SMG6: variants seen among roughly 807,000 people sequenced by gnomAD.
The protein encoded by SMG6 is telomerase-binding protein EST1A.
A neutral mutation model predicts 142.2 loss-of-function variants in SMG6; 66 were observed. That is an observed-to-expected ratio of 0.46 (90% confidence interval 0.38 to 0.57). SMG6 has a LOEUF of 0.57. Among genes scored for constraint, SMG6 ranks in the 20% least tolerant of loss-of-function variants. The pLI is 0.00. For synonymous variants in SMG6, 779 were observed against 702.4 expected, an observed-to-expected ratio of 1.11 and a Z score of -1.72; for missense variants, 1,793 against 1,832.0, an observed-to-expected ratio of 0.98 and a Z score of 0.39.
intron 16 of SMG6, among the ~76,000 whole-genome samples, chr17:2,066,372 C>CTGTGTGTG (rs57221830): frequency 6.5e-4 from 98 of 149,684 alleles, no homozygotes; most frequent in African/African-American, 1.8e-3. Context: ...GTATATGTCT[C>CTGTGTGTG]TGTGTGTGTG....
At chr17:2,121,890 T>C (rs1297455303) in intron 13 of SMG6, among the ~76,000 whole-genome samples, 1 of 152,082 alleles carries the variant, frequency 6.6e-6, no homozygotes, top group East Asian at 1.9e-4. Context: ...CTGGAGTGCA[T>C]GGCGCAATCT....
At chr17:2,066,769 A>T (rs2067965613) in intron 16 of SMG6, among the ~76,000 whole-genome samples, 1 of 151,990 alleles carries the variant, frequency 6.6e-6, no homozygotes, top group Non-Finnish European at 1.5e-5. Flanking sequence ...GCAGTGGTAG[A>T]TGGGTGTATG....
At chr17:2,191,069 G>C (rs1255431000) in intron 10 of SMG6, among the ~76,000 whole-genome samples, 1 of 152,176 alleles carries the variant, frequency 6.6e-6, no homozygotes, top group Admixed American at 6.5e-5. Context: ...CTCTGTACTA[G>C]GTATGATGGA....
At chr17:2,196,993 T>C (rs2072350468) in intron 10 of SMG6, among the ~76,000 whole-genome samples, 1 of 152,118 alleles carries the variant, frequency 6.6e-6, no homozygotes, top group Non-Finnish European at 1.5e-5. Context: ...AATTATCTCA[T>C]AATAGATCGA....
rs1656421392 is a variant in SMG6 at position 2,085,128 on chromosome 17, GCACACACACACACAGACGCGCA to G, written c.3534+575_3534+596del. 1.3e-5 allele frequency among the ~76,000 whole-genome samples: 2 copies of G among 151,624 alleles called. No individual in the cohort carries two copies. Among genetic ancestry groups the G allele is most frequent in the South Asian group, 2.1e-4 (1 of 4,792 alleles). On this transcript the variant is annotated intron_variant, in intron 14 of 18. Transcript: ENST00000263073. This position sits in a 1 kb window ranked among gnomAD's most constrained non-coding sequence, Gnocchi z 4.1. ...GGCTCATGCATGTGCATGCGCGTGC[GCACACACACACACAGACGCGCA>G]CACACACACACAGACACACACACAC...
intron 10 of SMG6, among the ~76,000 whole-genome samples, chr17:2,194,486 T>A (rs915088054): frequency 2.0e-5 from 3 of 152,212 alleles, no homozygotes; most frequent in Admixed American, 2.0e-4. Flanking sequence ...AAGGGTAACA[T>A]CTTCTTATAA....
At chr17:2,216,184 T>C (rs563879731) in intron 10 of SMG6, among the ~76,000 whole-genome samples, 3 of 152,254 alleles carry the variant, frequency 2.0e-5, no homozygotes, top group South Asian at 2.1e-4. Context: ...GAAACTCAGA[T>C]GGCAGGTACC....
At chr17:2,286,146 C>A (rs2074899919) in intron 6 of SMG6, among the ~76,000 whole-genome samples, 1 of 152,046 alleles carries the variant, frequency 6.6e-6, no homozygotes, top group African/African-American at 2.4e-5. Flanking sequence ...TGAAAAGACA[C>A]CCTGTGTTCA....
rs1354049645 is a variant in SMG6 at position 2,219,713 on chromosome 17, TAAG to T, written c.2869+16776_2869+16778del. Among the ~76,000 whole-genome samples, 6 of 145,208 alleles carry T rather than the reference TAAG, an allele frequency of 4.1e-5. No individual in the cohort carries two copies. The East Asian group carries it at 1.2e-3, about 30-fold the overall frequency. ...CTGAGATGGGAGGACTGCTTGAGCC[TAAG>T]AAGAAGCTTGAGGCTGCAGTGAATG... On this transcript the variant is annotated intron_variant, in intron 10 of 18. Coordinates refer to ENST00000263073, the MANE Select transcript of SMG6 (RefSeq NM_017575.5).
At chr17:2,123,884 A>G (rs2151525721) in intron 13 of SMG6, among the ~76,000 whole-genome samples, 1 of 152,336 alleles carries the variant, frequency 6.6e-6, no homozygotes, top group Non-Finnish European at 1.5e-5. Context: ...ACTTCCTGAA[A>G]ACAGAGCAGG....
chr17:2,115,810 A>C (rs1417793891), intron 13 of SMG6, among the ~76,000 whole-genome samples: 2 of 152,112 alleles, frequency 1.3e-5, no homozygotes, highest in African/African-American at 4.8e-5. Flanking sequence ...TGTAGCCTCG[A>C]ACTCCCGGGT....
At chr17:2,208,479 G>A (rs570537174) in intron 10 of SMG6, among the ~76,000 whole-genome samples, 8 of 152,278 alleles carry the variant, frequency 5.3e-5, no homozygotes, top group South Asian at 2.1e-4. Context: ...GGTCCACAGC[G>A]CAGACCCCAC....
At chr17:2,127,396 T>C (rs2069933630) in intron 13 of SMG6, 3 of 676,076 alleles carry the variant, frequency 4.4e-6, no homozygotes, top group Admixed American at 1.9e-5. Context: ...GGTAAATCCT[T>C]TTCCCCCCCT....
chr17:2,303,766 C>T lies in SMG6; in HGVS notation c.-46G>A, dbSNP rs1019887535. On this transcript the variant is annotated 5_prime_UTR_variant, in exon 1 of 19. Transcript: ENST00000263073. ...CCGTAGCGGCTCCGCCACCGCCGCG[C>T]GCAGCCAGGAAACCACCACAGACGG... 1 of 1,463,576 alleles carries T rather than the reference C, an allele frequency of 6.8e-7. No homozygotes were observed. 90.7% of individuals were successfully genotyped at this position (1,463,576 alleles called of 1,614,324 possible).
intron 15 of SMG6, chr17:2,072,757 A>G (rs771003390): frequency 6.6e-6 from 1 of 152,220 alleles, no homozygotes; most frequent in Non-Finnish European, 1.5e-5. Context: ...AGGGGCTCCC[A>G]TAGGGAGTGC....
At chr17:2,239,233 G>C (rs1358400605) in intron 9 of SMG6, among the ~76,000 whole-genome samples, 1 of 152,044 alleles carries the variant, frequency 6.6e-6, no homozygotes, top group African/African-American at 2.4e-5. Flanking sequence ...CTTTTTGGAG[G>C]GCACAGAGTT....
At chr17:2,139,882 T>C (rs1597456194) in intron 13 of SMG6, among the ~76,000 whole-genome samples, 2 of 151,488 alleles carry the variant, frequency 1.3e-5, no homozygotes, top group Admixed American at 1.3e-4. Context: ...CATGCCACCA[T>C]ACCCGGCTAA....
At chr17:2,221,491 T>C (rs2073168393) in intron 10 of SMG6, among the ~76,000 whole-genome samples, 2 of 152,226 alleles carry the variant, frequency 1.3e-5, no homozygotes, top group South Asian at 4.1e-4. Flanking sequence ...ACTTCTTTTC[T>C]TTATAAATTA....
At chr17:2,212,905 G>A (rs1327627152) in intron 10 of SMG6, among the ~76,000 whole-genome samples, 1 of 152,246 alleles carries the variant, frequency 6.6e-6, no homozygotes, top group African/African-American at 2.4e-5. Flanking sequence ...AATGCTCAGG[G>A]CAGGGTTTGG....
Sources: allele counts gnomAD v4.1 joint callset (sites outside exome capture counted in the v4.1 genomes callset), GRCh38; gene constraint gnomAD v4.1.1; non-coding constraint Gnocchi (gnomAD v3.1); transcripts MANE v1.5; gene names NCBI Gene and HGNC (gene_info 2026-07-23, HGNC 2026-07-21).